Variants in CLIC1 observed in about 807,000 individuals in gnomAD.
The protein encoded by CLIC1 is CLIC family member 1, also known as chloride intracellular channel protein 1.
A neutral mutation model predicts 26.4 loss-of-function variants in CLIC1; 16 were observed. That is an observed-to-expected ratio of 0.61 (90% CI 0.41 to 0.92). CLIC1 has a LOEUF of 0.92. CLIC1 is among the 40% of genes least tolerant of loss of function. The pLI, the probability that CLIC1 is intolerant of heterozygous loss-of-function variation, is 0.00. For synonymous variants in CLIC1, 98 were observed against 120.8 expected, an observed-to-expected ratio of 0.81 and a Z score of 1.24; for missense variants, 225 against 289.7, an observed-to-expected ratio of 0.78 and a Z score of 1.62.
Position 31,733,730 on chromosome 6 carries a change from C to T in CLIC1, c.276-58G>A. The T allele has an allele frequency of 6.2e-7, 1 of 1,603,550 alleles. No homozygotes were observed. Among genetic ancestry groups the T allele is most frequent in the Non-Finnish European group, 8.5e-7 (1 of 1,170,960 alleles). ...TCTTCCTGGGAGGAACCTCAGCTAGCTCTCCTGCCCCAGCCCCACCACCAT... is the reference window on the plus strand; with the variant it reads ...TCTTCCTGGGAGGAACCTCAGCTAGTTCTCCTGCCCCAGCCCCACCACCAT... On this transcript the variant is annotated intron_variant, in intron 3 of 5. Transcript: ENST00000375784. This position sits in a 1 kb window ranked among gnomAD's most constrained non-coding sequence, Gnocchi z 5.4.
intron 1 of CLIC1, among the ~76,000 whole-genome samples, chr6:31,735,402 G>A (rs1217471725): frequency 6.6e-6 from 1 of 151,500 alleles, no homozygotes; most frequent in Admixed American, 6.6e-5. Flanking sequence ...GAGGGGGGCT[G>A]GGTGACACCG....
In CLIC1 at chr6:31,730,783, G is replaced by A; in HGVS notation, c.*59C>T. 6.3e-7 allele frequency: 1 copy of A among 1,582,500 alleles called. No individual in the cohort carries two copies. The highest frequency in any genetic ancestry group is 8.7e-7 in the Non-Finnish European group (1 of 1,155,584). ...AGTGTGTCCATTGGGTAGCAATGTG[G>A]AAACCACCAGGGCCTTTGTGGAGAA... On this transcript the variant is annotated 3_prime_UTR_variant, in exon 6 of 6. Coordinates refer to ENST00000375784, the Ensembl canonical transcript of CLIC1. The surrounding 1 kb of genome is among the most constrained non-coding windows in gnomAD (Gnocchi z 5.1).
At position 31,732,217 on chromosome 6, in the gene CLIC1, C is replaced by A. The variant is rs749422907; in HGVS notation, c.564G>T (p.Gln188His). The A allele has an allele frequency of 1.3e-6, 2 of 1,537,392 alleles. No homozygotes were observed. The highest frequency in any genetic ancestry group is 1.8e-6 in the Non-Finnish European group (2 of 1,141,272). ...CTCTCCTCCCGCAATAACCACACAC[C>A]TGTACTATGTGTAACTTTGGCAACA... The change falls in exon 5 of 6, where the codon CAG (glutamine) becomes CAT (histidine). Residue 188 changes from glutamine to histidine, a missense_variant and splice_region_variant. Gln to His is a conservative substitution (Grantham distance 24). Transcript: ENST00000375784. This position sits in a 1 kb window ranked among gnomAD's most constrained non-coding sequence, Gnocchi z 5.0.
At chr6:31,731,278 G>A (rs1486517019) in intron 5 of CLIC1, among the ~76,000 whole-genome samples, 2 of 151,936 alleles carry the variant, frequency 1.3e-5, no homozygotes, top group East Asian at 1.9e-4. Flanking sequence ...CACTGACACA[G>A]GTGACTTTTG....
chr6:31,735,354 T>C (rs1808257395), intron 1 of CLIC1, among the ~76,000 whole-genome samples: 1 of 151,010 alleles, frequency 6.6e-6, no homozygotes, highest in Non-Finnish European at 1.5e-5. Flanking sequence ...GGGAAATGAA[T>C]GCAGCAGCGG....
chr6:31,734,215 G>A lies in CLIC1; in HGVS notation c.88C>T (p.Leu30=). 6.2e-7 allele frequency: 1 copy of A among 1,614,238 alleles called. No individual in the cohort carries two copies. Among genetic ancestry groups the A allele is most frequent in the South Asian group, 1.1e-5 (1 of 91,090 alleles). Residue 30 remains leucine (L), a synonymous_variant, in exon 2 of 6, where the codon CTG becomes TTG. Transcript: ENST00000375784. This position sits in a 1 kb window ranked among gnomAD's most constrained non-coding sequence, Gnocchi z 5.3. ...CCCTTGAGCCACAGTACCATGAACA[G>A]TCTCTGGGAGAATGGGCAGTTCCCA...
At chr6:31,731,029 C>T (rs771033847) in intron 5 of CLIC1, 26 bp from the exon 6 acceptor site, 1 of 1,607,810 alleles carries the variant, frequency 6.2e-7, no homozygotes, top group Non-Finnish European at 8.5e-7. Flanking sequence ...GGAGAGGGAC[C>T]AACATGTTAG....
At chr6:31,735,664 G>A (rs1808277286) in intron 1 of CLIC1, among the ~76,000 whole-genome samples, 1 of 151,764 alleles carries the variant, frequency 6.6e-6, no homozygotes, top group African/African-American at 2.4e-5. Flanking sequence ...GATATTCAAT[G>A]CCACCCGATC....
At chr6:31,736,961 C>A (rs1219839237), upstream of CLIC1, 2 of 985,452 alleles carry the variant, frequency 2.0e-6, no homozygotes, top group African/African-American at 1.7e-5. The surrounding 1 kb of genome is among the most constrained non-coding windows in gnomAD (Gnocchi z 5.0). Context: ...AGATAGGAAC[C>A]GTTAGCCATG....
In CLIC1 at chr6:31,736,498, T is replaced by C; in HGVS notation, c.-198A>G. 1 of 1,393,600 alleles carries C rather than the reference T, an allele frequency of 7.2e-7. No homozygotes were observed. The highest frequency in any genetic ancestry group is 9.3e-7 in the Non-Finnish European group (1 of 1,073,332). The allele number at this position is 1,393,600 out of a possible 1,614,324, so 86.3% of individuals were successfully genotyped here. A position where few individuals can be genotyped will look rare whatever the true frequency, so the allele number is the denominator to read the frequency against. ...CCCAACGCACCCCACACCCAGCTCCTCCAGCTCGGTCCTCTCCCGGGCTGG... is the reference window on the plus strand; with the variant it reads ...CCCAACGCACCCCACACCCAGCTCCCCCAGCTCGGTCCTCTCCCGGGCTGG... On this transcript the variant is annotated 5_prime_UTR_variant, in exon 1 of 6. Transcript: ENST00000375784. The surrounding 1 kb of genome is among the most constrained non-coding windows in gnomAD (Gnocchi z 5.0).
chr6:31,735,086 G>A (rs777048607), intron 1 of CLIC1, among the ~76,000 whole-genome samples: 6 of 151,720 alleles, frequency 4.0e-5, no homozygotes, highest in Non-Finnish European at 7.4e-5. Context: ...CTAAGGGGGC[G>A]GACCCAAGCA....
chr6:31,736,729 C>T (rs139273620), upstream of CLIC1: 908 of 1,020,894 alleles, frequency 8.9e-4, 7 homozygotes, highest in African/African-American at 0.014. The surrounding 1 kb of genome is among the most constrained non-coding windows in gnomAD (Gnocchi z 5.0). Flanking sequence ...TTTTCTGCCT[C>T]AGTTTCCCTG....
Position 31,733,512 on chromosome 6 carries a change from G to A in CLIC1, c.382+54C>T, listed in dbSNP as rs1808119424. The A allele has an allele frequency of 6.9e-6, 9 of 1,313,204 alleles. No homozygotes were observed. The highest frequency in any genetic ancestry group is 5.1e-5 in the Admixed American group (3 of 58,626). 81.3% of individuals were successfully genotyped at this position (1,313,204 alleles called of 1,614,324 possible). A position where few individuals can be genotyped will look rare whatever the true frequency, so the allele number is the denominator to read the frequency against. ...CAGGTGCCCCTAATGTCTCCTACCC[G>A]CTGGGTCCTCTCTATTCCTCCCAGG... On this transcript the variant is annotated intron_variant, in intron 4 of 5. Coordinates refer to ENST00000375784, the Ensembl canonical transcript of CLIC1. The surrounding 1 kb of genome is among the most constrained non-coding windows in gnomAD (Gnocchi z 5.4).
Position 31,734,981 on chromosome 6 carries a change from T to C in CLIC1, c.40-718A>G, listed in dbSNP as rs400502. Among the ~76,000 whole-genome samples, 57 of 151,912 alleles carry C rather than the reference T, an allele frequency of 3.8e-4. No individual in the cohort carries two copies. The highest frequency in any genetic ancestry group is 7.2e-4 in the Admixed American group (11 of 15,268). ...TCCTCTGACTGCAATAACCATCCTC[T>C]CACAGGACACAGGGCCGGAATCTCT... On this transcript the variant is annotated intron_variant, in intron 1 of 5. Coordinates refer to ENST00000375784, the Ensembl canonical transcript of CLIC1. The surrounding 1 kb of genome is among the most constrained non-coding windows in gnomAD (Gnocchi z 5.3).
chr6:31,733,652 A>G lies in CLIC1; in HGVS notation c.296T>C (p.Leu99Pro). 1 of 1,613,094 alleles carries G rather than the reference A, an allele frequency of 6.2e-7. No homozygotes were observed. The highest frequency in any genetic ancestry group is 8.5e-7 in the Non-Finnish European group (1 of 1,180,010). ...CCCAGCTGTGTTGGACTCAGGGTTC[A>G]GAGCTGCCAGCTTGGGGTACCTGAA... Residue 99 changes from leucine to proline, a missense_variant, in exon 4 of 6, where the codon CTG (leucine) becomes CCG (proline). Coordinates refer to ENST00000375784, the Ensembl canonical transcript of CLIC1. The surrounding 1 kb of genome is among the most constrained non-coding windows in gnomAD (Gnocchi z 5.4).
chr6:31,736,598 CG>C, upstream of CLIC1: 1 of 1,293,196 alleles, frequency 7.7e-7, no homozygotes, highest in Non-Finnish European at 9.8e-7. This position sits in a 1 kb window ranked among gnomAD's most constrained non-coding sequence, Gnocchi z 5.0. Flanking sequence ...CGGGACTCGA[CG>C]ATGTAGGGAG....
In CLIC1 at chr6:31,733,545, C is replaced by T. The variant is rs1351186123; in HGVS notation, c.382+21G>A. The T allele has an allele frequency of 1.3e-6, 2 of 1,589,906 alleles. No homozygotes were observed. The highest frequency in any genetic ancestry group is 2.2e-5 in the South Asian group (2 of 90,530). ...CTCTCTATTCCTCCCAGGACCCAGG[C>T]CTCTGACCCACAAGACTCACTGTCA... On this transcript the variant is annotated intron_variant, in intron 4 of 5. Transcript: ENST00000375784. The surrounding 1 kb of genome is among the most constrained non-coding windows in gnomAD (Gnocchi z 5.4).
intron 5 of CLIC1, among the ~76,000 whole-genome samples, chr6:31,731,962 T>C (rs1807990922): frequency 6.6e-6 from 1 of 152,166 alleles, no homozygotes; most frequent in Non-Finnish European, 1.5e-5. Context: ...TCAAAAGTAA[T>C]ACTGGGATGT....
chr6:31,736,620 AG>A (rs771831203), upstream of CLIC1: 2,388 of 1,243,982 alleles, frequency 1.9e-3, 8 homozygotes, highest in Non-Finnish European at 2.3e-3. This position sits in a 1 kb window ranked among gnomAD's most constrained non-coding sequence, Gnocchi z 5.0. Context: ...TGAGTCCGGA[AG>A]GGGAATCCTC....
Sources: gnomAD v4.1 joint callset for allele counts (sites outside exome capture counted in the v4.1 genomes callset) on GRCh38, gnomAD v4.1.1 for gene constraint, Gnocchi (gnomAD v3.1) non-coding constraint, MANE v1.5 for transcripts, NCBI Gene and HGNC (gene_info 2026-07-23, HGNC 2026-07-21) for gene names.